AGO2: variants seen among roughly 807,000 people sequenced by gnomAD.
The protein encoded by AGO2 is protein argonaute-2.
AGO2 carries 5 observed loss-of-function variants against 102.3 expected under a neutral mutation model. That is an observed-to-expected ratio of 0.05 (90% CI 0.03 to 0.10). The LOEUF is 0.10. Ranked by LOEUF, AGO2 falls within the 10% of genes least tolerant of loss-of-function variation. The pLI, the probability that AGO2 is intolerant of heterozygous loss-of-function variation, is 1.00. For synonymous variants in AGO2, 449 were observed against 473.1 expected (o/e 0.95, Z 0.66); for missense variants, 541 against 1,183.7 (o/e 0.46, Z 7.97).
At chr8:140,598,001 T>C (rs2073873871) in intron 1 of AGO2, among the ~76,000 whole-genome samples, 1 of 152,232 alleles carries the variant, frequency 6.6e-6, no homozygotes, top group African/African-American at 2.4e-5. Context: ...CATGCTGGGC[T>C]GTAGGGCGCA....
chr8:140,555,799 C>T, intron 10 of AGO2, 97 bp downstream of exon 10: 20 of 1,464,792 alleles, frequency 1.4e-5, no homozygotes, highest in Non-Finnish European at 1.8e-5. Flanking sequence ...CTGCATGGAA[C>T]ACAGTCTACA....
intron 8 of AGO2, 126 bp downstream of exon 8, chr8:140,556,963 T>C (rs2132930998): frequency 7.3e-7 from 1 of 1,367,876 alleles, no homozygotes; most frequent in Non-Finnish European, 1.0e-6. Flanking sequence ...CCCGCATTCC[T>C]GCAGCAGCAG....
chr8:140,579,729 G>C (rs1453514240), intron 2 of AGO2, among the ~76,000 whole-genome samples: 1 of 151,990 alleles, frequency 6.6e-6, no homozygotes, highest in Non-Finnish European at 1.5e-5. Flanking sequence ...CTGAGAAGGA[G>C]AACGGGTGGG....
intron 1 of AGO2, among the ~76,000 whole-genome samples, chr8:140,635,013 C>A (rs2074388061): frequency 6.6e-6 from 1 of 151,174 alleles, no homozygotes; most frequent in South Asian, 2.1e-4. Context: ...CCCGACCCGG[C>A]CTCCACCCGC....
intron 14 of AGO2, among the ~76,000 whole-genome samples, chr8:140,543,192 A>AAAC (rs139491908): frequency 0.2 from 30,821 of 151,682 alleles, 3,831 homozygotes; most frequent in East Asian, 0.34. Context: ...AAAACCCACA[A>AAAC]AACAACAACA....
At chr8:140,537,382 G>A (rs1421523084) in intron 16 of AGO2, among the ~76,000 whole-genome samples, 1 of 151,474 alleles carries the variant, frequency 6.6e-6, no homozygotes, top group Non-Finnish European at 1.5e-5. Context: ...GCTCATTGCA[G>A]CCTCAGCCTC....
At chr8:140,561,223 G>A (rs935060791) in intron 4 of AGO2, among the ~76,000 whole-genome samples, 6 of 152,240 alleles carry the variant, frequency 3.9e-5, no homozygotes, top group Non-Finnish European at 8.8e-5. Flanking sequence ...CTGGTGGCCC[G>A]GGAGGCGCCG....
At chr8:140,610,473 C>A (rs1486335087) in intron 1 of AGO2, among the ~76,000 whole-genome samples, 2 of 152,212 alleles carry the variant, frequency 1.3e-5, no homozygotes, top group Non-Finnish European at 2.9e-5. Flanking sequence ...CCCACCTCAG[C>A]CTCCCAAAGT....
In AGO2 at chr8:140,578,219, C is replaced by CG. The variant is rs59867599; in HGVS notation, c.216-5288dup. Among the ~76,000 whole-genome samples, 422 of 152,326 alleles carry CG rather than the reference C, an allele frequency of 2.8e-3. 4 individuals are homozygous for CG. Among genetic ancestry groups the CG allele is most frequent in the African/African-American group, 9.7e-3 (402 of 41,578 alleles). On this transcript the variant is annotated intron_variant, in intron 2 of 18. Transcript: ENST00000220592. Reference sequence around the variant, plus strand: ...GGCACCTTGCTGCCTAATTCTAACACGGGGGGTCCCTTCCCTCCTCAAACA... The same window carrying CG: ...GGCACCTTGCTGCCTAATTCTAACACGGGGGGGTCCCTTCCCTCCTCAAACA...
At chr8:140,568,121 AAAAG>A (rs1382794693) in intron 3 of AGO2, among the ~76,000 whole-genome samples, 5 of 128,946 alleles carry the variant, frequency 3.9e-5, no homozygotes, top group Admixed American at 2.6e-4. Flanking sequence ...AAAAAAAAAA[AAAAG>A]AAAAGAAAAT....
intron 6 of AGO2, among the ~76,000 whole-genome samples, chr8:140,558,863 G>A (rs1310078130): frequency 2.0e-5 from 3 of 152,210 alleles, no homozygotes; most frequent in African/African-American, 7.2e-5. Flanking sequence ...ACGGGGTACG[G>A]TGGATGGCCC....
At chr8:140,588,974 T>G (rs1471218397) in intron 1 of AGO2, among the ~76,000 whole-genome samples, 2 of 152,226 alleles carry the variant, frequency 1.3e-5, no homozygotes, top group Non-Finnish European at 2.9e-5. Context: ...AAATAGTGAA[T>G]GAGTAATCGG....
intron 2 of AGO2, among the ~76,000 whole-genome samples, chr8:140,579,228 GA>G (rs368237185): frequency 1.7e-4 from 23 of 134,278 alleles, no homozygotes; most frequent in South Asian, 2.3e-4. Flanking sequence ...GTTTCAAAAA[GA>G]AAAAAAAAAA....
chr8:140,531,143 C>G lies in AGO2; in HGVS notation c.*901G>C, dbSNP rs1179540427. The stretch of plus-strand genomic sequence containing the variant: ...CCCCATAGTCAATAAAATGAAAAAA[C>G]AGCATCTATCTATCACATTAATACT... On this transcript the variant is annotated 3_prime_UTR_variant, in exon 19 of 19. Coordinates refer to ENST00000220592, the MANE Select transcript of AGO2 (RefSeq NM_012154.5). The G allele has an allele frequency of 6.6e-6, 1 of 152,464 alleles. No individual in the cohort carries two copies. The allele number at this position is 152,464 out of a possible 1,614,324, so 9.4% of individuals were successfully genotyped here. A position where few individuals can be genotyped will look rare whatever the true frequency, so the allele number is the denominator to read the frequency against.
intron 17 of AGO2, among the ~76,000 whole-genome samples, chr8:140,534,359 C>T (rs940018256): frequency 2.0e-5 from 3 of 152,222 alleles, no homozygotes; most frequent in Admixed American, 6.5e-5. Flanking sequence ...TGAGGCTCCC[C>T]GACTAGAAGG....
At chr8:140,637,075 C>G (rs931141154), upstream of AGO2, 3 of 152,274 alleles carry the variant, frequency 2.0e-5, no homozygotes, top group Non-Finnish European at 4.4e-5. Context: ...AGCAGGGCCC[C>G]TGGGGGATTT....
At chr8:140,619,473 G>A (rs943932770) in intron 1 of AGO2, among the ~76,000 whole-genome samples, 7 of 152,230 alleles carry the variant, frequency 4.6e-5, no homozygotes, top group Non-Finnish European at 1.0e-4. Flanking sequence ...TCAGAGAGAA[G>A]GGAGCAGGGA....
chr8:140,597,480 C>CCCCCCCCCCCCCCCCCCA (rs2073864620), intron 1 of AGO2, among the ~76,000 whole-genome samples: 5 of 132,124 alleles, frequency 3.8e-5, no homozygotes, highest in African/African-American at 1.1e-4. Context: ...CCCCACCCCC[C>CCCCCCCCCCCCCCCCCCA]CCCCCCCGCC....
At chr8:140,640,798 C>T in the AGO2 span, among the ~76,000 whole-genome samples, 4 of 152,280 alleles carry the variant, frequency 2.6e-5, no homozygotes, top group East Asian at 1.9e-4. Context: ...GGATTACAGG[C>T]GTGAGCCACC....
Sources: allele counts gnomAD v4.1 joint callset (sites outside exome capture counted in the v4.1 genomes callset), GRCh38; gene constraint gnomAD v4.1.1; transcripts MANE v1.5; gene names NCBI Gene and HGNC (gene_info 2026-07-23, HGNC 2026-07-21).